Variants in GRIK1 observed in about 807,000 individuals in gnomAD.
GRIK1 encodes glutamate ionotropic receptor kainate type subunit 1, also known as glutamate receptor ionotropic, kainate 1.
In GRIK1, 69 loss-of-function variants were observed where a neutral mutation model predicts 105.7. The observed-to-expected ratio is 0.65, with a 90% confidence interval of 0.54 to 0.80. GRIK1 has a LOEUF of 0.80. Ranked by LOEUF, GRIK1 falls within the 30% of genes least tolerant of loss-of-function variation. GRIK1 has a pLI of 0.00. For synonymous variants in GRIK1, 438 were observed against 431.3 expected, an observed-to-expected ratio of 1.02 and a Z score of -0.19; for missense variants, 1,109 against 1,167.3, an observed-to-expected ratio of 0.95 and a Z score of 0.73.
Position 29,642,935 on chromosome 21 carries a change from A to G in GRIK1, c.989T>C (p.Met330Thr). 3 of 1,614,114 alleles carry G rather than the reference A, an allele frequency of 1.9e-6. No individual in the cohort carries two copies. The highest frequency in any genetic ancestry group is 2.5e-6 in the Non-Finnish European group (3 of 1,179,922). The change falls in exon 7 of 18, where the codon ATG (methionine) becomes ACG (threonine). Residue 330 changes from methionine (M) to threonine (T), a missense_variant. Met to Thr is a moderately conservative substitution (Grantham distance 81). Coordinates refer to ENST00000327783, the MANE Select transcript of GRIK1 (RefSeq NM_001330994.2). ...TGCCCGGTGCGAGGCAATGGCCACC[A>G]TGTACACAGCATCGTACATCAGAGC... ...EAALMYDAVY[M>T]VAIASHRASQ...
At chr21:29,812,182 T>A (rs2067028053) in intron 1 of GRIK1, among the ~76,000 whole-genome samples, 1 of 152,192 alleles carries the variant, frequency 6.6e-6, no homozygotes. Context: ...TATAGGGATT[T>A]GCCTGTCTTA....
chr21:29,871,903 ACAGGCATGCTCCAG>A (rs2069026505), intron 1 of GRIK1, among the ~76,000 whole-genome samples: 1 of 151,142 alleles, frequency 6.6e-6, no homozygotes, highest in Non-Finnish European at 1.5e-5. Flanking sequence ...AGCTGGGACA[ACAGGCATGCTCCAG>A]CATGCCTGGC....
chr21:29,659,065 G>A (rs1035556344), intron 4 of GRIK1, among the ~76,000 whole-genome samples: 1 of 152,106 alleles, frequency 6.6e-6, no homozygotes, highest in African/African-American at 2.4e-5. Context: ...GGAGCACAGG[G>A]CATACATTTT....
chr21:29,672,382 C>CT (rs200068063), intron 4 of GRIK1, among the ~76,000 whole-genome samples: 67 of 151,308 alleles, frequency 4.4e-4, no homozygotes, highest in East Asian at 2.1e-3. Flanking sequence ...TGTTATTATT[C>CT]TTTTTTTTTG....
At chr21:29,910,722 T>C (rs1056058828) in intron 1 of GRIK1, among the ~76,000 whole-genome samples, 2 of 152,130 alleles carry the variant, frequency 1.3e-5, no homozygotes, top group African/African-American at 2.4e-5. Context: ...TAGGACATGT[T>C]GTACTGCATC....
chr21:29,779,433 G>A (rs1411272799), intron 1 of GRIK1, among the ~76,000 whole-genome samples: 1 of 150,422 alleles, frequency 6.6e-6, no homozygotes, highest in Non-Finnish European at 1.5e-5. Context: ...TGACATTCAA[G>A]TTTATTTCTA....
At position 29,792,835 on chromosome 21, in the gene GRIK1, C is replaced by CGA. The variant is rs1299970176; in HGVS notation, c.119-98773_119-98772insTC. Among the ~76,000 whole-genome samples, 25 of 152,216 alleles carry CGA rather than the reference C, an allele frequency of 1.6e-4. No individual in the cohort carries two copies. The South Asian group carries it at 2.9e-3, about 18-fold the overall frequency. ...AAACAACCTCATTAGCAGCTCTTAC[C>CGA]AAATGTAAATGTATAGCACGAAGAG... is the stretch of plus-strand genomic sequence containing the variant. On this transcript the variant is annotated intron_variant, in intron 1 of 17. Coordinates refer to ENST00000327783, the MANE Select transcript of GRIK1 (RefSeq NM_001330994.2).
At chr21:29,813,716 A>C (rs182512105) in intron 1 of GRIK1, among the ~76,000 whole-genome samples, 2 of 152,222 alleles carry the variant, frequency 1.3e-5, no homozygotes, top group East Asian at 3.9e-4. Context: ...TTCCTGGAGC[A>C]CAAATGCATA....
chr21:29,772,527 C>G (rs1393514293), intron 1 of GRIK1, among the ~76,000 whole-genome samples: 1 of 152,134 alleles, frequency 6.6e-6, no homozygotes, highest in African/African-American at 2.4e-5. Context: ...TCTATGTAAT[C>G]AAGGACAAAG....
At chr21:29,608,058 T>C (rs2061656912) in intron 7 of GRIK1, among the ~76,000 whole-genome samples, 1 of 152,136 alleles carries the variant, frequency 6.6e-6, no homozygotes, top group South Asian at 2.1e-4. Flanking sequence ...AATATTGGCA[T>C]GATGATTACC....
At chr21:29,596,110 G>A (rs950721429) in intron 9 of GRIK1, 2 of 319,788 alleles carry the variant, frequency 6.3e-6, no homozygotes, top group African/African-American at 4.3e-5. Flanking sequence ...AGCCTTCTGA[G>A]GCTGTAGCCT....
intron 4 of GRIK1, among the ~76,000 whole-genome samples, chr21:29,668,724 T>C (rs941943080): frequency 2.6e-5 from 4 of 152,212 alleles, no homozygotes; most frequent in Non-Finnish European, 5.9e-5. Context: ...ATTCCATAGG[T>C]AGAGCTTTCT....
intron 1 of GRIK1, among the ~76,000 whole-genome samples, chr21:29,725,308 TC>T (rs1399500866): frequency 1.6e-4 from 24 of 152,226 alleles, no homozygotes; most frequent in Non-Finnish European, 3.1e-4. Flanking sequence ...ATTCTTATCT[TC>T]CTCGTTGGGG....
intron 1 of GRIK1, among the ~76,000 whole-genome samples, chr21:29,703,360 C>T (rs1293900967): frequency 1.3e-5 from 2 of 152,184 alleles, no homozygotes; most frequent in Non-Finnish European, 2.9e-5. Flanking sequence ...ATAACCATTC[C>T]AGAAGCTATC....
chr21:29,642,628 C>T (rs1201839914), intron 7 of GRIK1, among the ~76,000 whole-genome samples, 198 bp downstream of exon 7: 2 of 152,218 alleles, frequency 1.3e-5, no homozygotes, highest in Non-Finnish European at 2.9e-5. Context: ...CACTGAACTT[C>T]TCAGCATCAC....
intron 1 of GRIK1, among the ~76,000 whole-genome samples, chr21:29,791,271 A>AT (rs2066406581): frequency 6.6e-6 from 1 of 152,086 alleles, no homozygotes; most frequent in African/African-American, 2.4e-5. Context: ...GATGCTGGAG[A>AT]TATCTCCCGA....
chr21:29,667,840 A>AAGTG (rs1479613118), intron 4 of GRIK1, among the ~76,000 whole-genome samples: 1 of 152,186 alleles, frequency 6.6e-6, no homozygotes, highest in African/African-American at 2.4e-5. Flanking sequence ...ATAGATTTAA[A>AAGTG]AGTGACTAGG....
chr21:29,549,332 G>C (rs541969356), intron 16 of GRIK1, among the ~76,000 whole-genome samples: 1 of 151,884 alleles, frequency 6.6e-6, no homozygotes, highest in Non-Finnish European at 1.5e-5. Context: ...TGCAACTACC[G>C]TTAGGATTGT....
chr21:29,576,056 A>C (rs921392290), intron 14 of GRIK1, among the ~76,000 whole-genome samples: 1 of 152,072 alleles, frequency 6.6e-6, no homozygotes, highest in Non-Finnish European at 1.5e-5. Context: ...TCCCAAAAAA[A>C]ACTTTAGCCC....
Sources: gnomAD v4.1 joint callset for allele counts (sites outside exome capture counted in the v4.1 genomes callset) on GRCh38, gnomAD v4.1.1 for gene constraint, MANE v1.5 for transcripts, NCBI Gene and HGNC (gene_info 2026-07-23, HGNC 2026-07-21) for gene names.